LAT2: variants seen among roughly 807,000 people sequenced by gnomAD.
The protein encoded by LAT2 is linker for activation of T cells family member 2, also known as linker for activation of T-cells family member 2.
A neutral mutation model predicts 43.4 loss-of-function variants in LAT2; 23 were observed. The observed-to-expected ratio is 0.53, with a 90% CI of 0.38 to 0.75. The LOEUF is 0.75. Among genes scored for constraint, LAT2 ranks in the 30% least tolerant of loss-of-function variants. LAT2 has a pLI of 0.00. For missense variants in LAT2, 284 were observed against 310.2 expected (o/e 0.92, Z 0.64); for synonymous variants, 128 against 123.2 (o/e 1.04, Z -0.26).
chr7:74,214,716 TATAA>T lies in LAT2; in HGVS notation c.-218-104_-218-101del, dbSNP rs1554713947. 25 of 104,896 alleles carry T rather than the reference TATAA, an allele frequency of 2.4e-4. 1 individual carries two copies. The highest frequency in any genetic ancestry group is 1.0e-3 in the African/African-American group (24 of 23,184). 6.5% of individuals were successfully genotyped at this position (104,896 alleles called of 1,614,324 possible). On this transcript the variant is annotated intron_variant, in intron 1 of 13. Transcript: ENST00000460943. Reference sequence around the variant, plus strand: ...ATATATATAAATATATATAAATATATATAAAAATATAAATATATATAAAAATATA... The same window carrying T: ...ATATATATAAATATATATAAATATATAAATATAAATATATATAAAAATATA...
intron 10 of LAT2, 75 bp downstream of exon 10, chr7:74,221,767 G>C: frequency 7.6e-7 from 1 of 1,318,926 alleles, no homozygotes; most frequent in Non-Finnish European, 1.1e-6. Flanking sequence ...CTCCAGGCAG[G>C]AGAGGAGGCT....
intron 13 of LAT2, among the ~76,000 whole-genome samples, chr7:74,228,215 G>C (rs1247843265): frequency 1.6e-5 from 2 of 126,068 alleles, no homozygotes; most frequent in South Asian, 2.8e-4. Flanking sequence ...GGTGGCTCAC[G>C]CCTGTAATCC....
At chr7:74,212,655 A>T (rs1432854943) in intron 1 of LAT2, among the ~76,000 whole-genome samples, 2 of 152,148 alleles carry the variant, frequency 1.3e-5, no homozygotes, top group Non-Finnish European at 2.9e-5. Flanking sequence ...CCCTCCTGCA[A>T]GACAAGTTGC....
chr7:74,220,714 C>T lies in LAT2; in HGVS notation c.312C>T (p.His104=), dbSNP rs782499047. Residue 104 remains histidine, a synonymous_variant, in exon 9 of 14, where the codon CAC becomes CAT. Coordinates refer to ENST00000460943, the MANE Select transcript of LAT2 (RefSeq NM_032464.3). This position sits in a 1 kb window ranked among gnomAD's most constrained non-coding sequence, Gnocchi z 4.5. The part of the protein sequence containing the change: ...RYQNFSKGSR[H]GSEEAYIDPI... ...CGCCTCCTCCCGCAGGAAGCAGACA[C>T]GGGTCGGAGGAAGCCTACATGTGAG... The T allele has an allele frequency of 7.5e-6, 12 of 1,606,902 alleles. No individual in the cohort carries two copies. Among genetic ancestry groups the T allele is most frequent in the African/African-American group, 2.7e-5 (2 of 74,772 alleles).
chr7:74,221,610 CTGTGT>C (rs1257500065), intron 9 of LAT2, 22 bp from the exon 10 acceptor site: 2 of 1,607,656 alleles, frequency 1.2e-6, no homozygotes, highest in Admixed American at 3.3e-5. Flanking sequence ...GCCCTGAAAC[CTGTGT>C]TGTATATGTT....
chr7:74,224,415 C>T (rs1308010185), intron 12 of LAT2, among the ~76,000 whole-genome samples: 3 of 152,210 alleles, frequency 2.0e-5, no homozygotes, highest in Non-Finnish European at 2.9e-5. Context: ...CCGGGCAGGC[C>T]GCCCCATCCA....
Position 74,221,715 on chromosome 7 carries a change from A to C in LAT2, c.388+23A>C, listed in dbSNP as rs201410958. On this transcript the variant is annotated intron_variant, in intron 10 of 13. Coordinates refer to ENST00000460943, the MANE Select transcript of LAT2 (RefSeq NM_032464.3). ...AAGGTGAGGCGAAGGACAAAGCCGG[A>C]GGTGGAGGAAGTGGTGTGGGAGCTC... is the stretch of plus-strand genomic sequence containing the variant. The C allele has an allele frequency of 0.011, 17,153 of 1,604,878 alleles. 1,377 individuals are homozygous for C. In the African/African-American group the frequency reaches 0.18, roughly 17 times the overall value.
Position 74,221,699 on chromosome 7 carries a change from C to A in LAT2, c.388+7C>A, listed in dbSNP as rs191774112. 14 of 1,609,930 alleles carry A rather than the reference C, an allele frequency of 8.7e-6. No individual in the cohort carries two copies. The African/African-American group carries it at 1.8e-4, about 20-fold the overall frequency. On this transcript the variant is annotated splice_region_variant and intron_variant, in intron 10 of 13. Coordinates refer to ENST00000460943, the MANE Select transcript of LAT2 (RefSeq NM_032464.3). ...TTCTCGAAGCCCCCAGAAGGTGAGG[C>A]GAAGGACAAAGCCGGAGGTGGAGGA...
intron 1 of LAT2, among the ~76,000 whole-genome samples, chr7:74,212,493 G>A (rs1156584389): frequency 1.3e-5 from 2 of 151,972 alleles, no homozygotes; most frequent in African/African-American, 4.8e-5. Context: ...TGTTGGCCAA[G>A]CTGGTCTCAA....
chr7:74,224,350 C>T (rs1165509026), intron 12 of LAT2, among the ~76,000 whole-genome samples, 153 bp downstream of exon 12: 5 of 152,218 alleles, frequency 3.3e-5, no homozygotes, highest in Non-Finnish European at 5.9e-5. Flanking sequence ...AGACCTTGAA[C>T]CACACAGGAC....
chr7:74,223,453 C>A (rs557869904), intron 10 of LAT2, among the ~76,000 whole-genome samples: 12 of 152,254 alleles, frequency 7.9e-5, no homozygotes, highest in African/African-American at 2.6e-4. Flanking sequence ...TTTGCCAGTG[C>A]TCTCCAGCCT....
At position 74,219,807 on chromosome 7, in the gene LAT2, CG is replaced by C; in HGVS notation, c.178+23del. The C allele has an allele frequency of 1.2e-6, 2 of 1,613,878 alleles. No homozygotes were observed. The highest frequency in any genetic ancestry group is 8.5e-7 in the Non-Finnish European group (1 of 1,179,936). Reference sequence around the variant, plus strand: ...ACTCCTGTGAGTCTCCAAGTGTCCCCGGGTTGGGCTCTGGGTTGGGGGTGTC... The same window carrying C: ...ACTCCTGTGAGTCTCCAAGTGTCCCCGGTTGGGCTCTGGGTTGGGGGTGTC... On this transcript the variant is annotated intron_variant, in intron 5 of 13. Transcript: ENST00000460943.
In LAT2 at chr7:74,214,357, TATAA is replaced by T. The variant is rs1337999643; in HGVS notation, c.-218-461_-218-458del. Among the ~76,000 whole-genome samples, 170 of 61,606 alleles carry T rather than the reference TATAA, an allele frequency of 2.8e-3. 2 individuals are homozygous for T. The highest frequency in any genetic ancestry group is 6.9e-3 in the Admixed American group (22 of 3,168). 40.4% of individuals were successfully genotyped at this position (61,606 alleles called of 152,430 possible). On this transcript the variant is annotated intron_variant, in intron 1 of 13. Transcript: ENST00000460943. ...AAATATATATATATGAAAATATATA[TATAA>T]ATATATATATATGAAAATATATATA... is the stretch of plus-strand genomic sequence containing the variant.
At chr7:74,214,445 A>AAT (rs61655546) in intron 1 of LAT2, among the ~76,000 whole-genome samples, 2 of 58,914 alleles carry the variant, frequency 3.4e-5, no homozygotes, top group African/African-American at 1.3e-4. Flanking sequence ...TATATATATA[A>AAT]ATATATATAT....
chr7:74,210,014 T>C lies in LAT2; in HGVS notation c.-293T>C, dbSNP rs1554712898. 1 of 151,342 alleles carries C rather than the reference T, an allele frequency of 6.6e-6. No individual in the cohort carries two copies. The highest frequency in any genetic ancestry group is 2.0e-4 in the East Asian group (1 of 5,088). 9.4% of individuals were successfully genotyped at this position (151,342 alleles called of 1,614,324 possible). A position where few individuals can be genotyped will look rare whatever the true frequency, so the allele number is the denominator to read the frequency against. ...CGCCCTGCCCGCCCGCCAGTGTCAGTGGTGTTGGCATCAGCTTGGGCAGGT... is the reference window on the plus strand; with the variant it reads ...CGCCCTGCCCGCCCGCCAGTGTCAGCGGTGTTGGCATCAGCTTGGGCAGGT... On this transcript the variant is annotated 5_prime_UTR_variant, in exon 1 of 14. Transcript: ENST00000460943.
chr7:74,211,221 A>G (rs1013209434), intron 1 of LAT2, among the ~76,000 whole-genome samples: 6 of 147,576 alleles, frequency 4.1e-5, no homozygotes, highest in Non-Finnish European at 8.9e-5. Context: ...CAGAACCTGG[A>G]TGGGAGAGTG....
chr7:74,214,331 T>TGA (rs1563967220), intron 1 of LAT2, among the ~76,000 whole-genome samples: 4 of 60,170 alleles, frequency 6.6e-5, no homozygotes, highest in Non-Finnish European at 1.1e-4. Context: ...AATATATATA[T>TGA]AAATATATAT....
chr7:74,213,667 C>T (rs552690040), intron 1 of LAT2, among the ~76,000 whole-genome samples: 50 of 152,212 alleles, frequency 3.3e-4, no homozygotes, highest in Admixed American at 7.2e-4. Context: ...TCGTGATCTG[C>T]CCGCCTTGGC....
At chr7:74,222,016 G>C (rs568862083) in intron 10 of LAT2, among the ~76,000 whole-genome samples, 181 of 152,060 alleles carry the variant, frequency 1.2e-3, no homozygotes, top group African/African-American at 4.3e-3. Flanking sequence ...ACCCCAGAAG[G>C]TACCTGGGAT....
Sources: gnomAD v4.1 joint callset for allele counts (sites outside exome capture counted in the v4.1 genomes callset) on GRCh38, gnomAD v4.1.1 for gene constraint, Gnocchi (gnomAD v3.1) non-coding constraint, MANE v1.5 for transcripts, NCBI Gene and HGNC (gene_info 2026-07-23, HGNC 2026-07-21) for gene names.